The following KRT4 variants were observed in gnomAD, a reference collection of about 807,000 sequenced individuals.
KRT4 encodes keratin 4.
In KRT4, 47 loss-of-function variants were observed where a neutral mutation model predicts 50.6. That is an observed-to-expected ratio of 0.93 (90% CI 0.73 to 1.18). KRT4 has a LOEUF of 1.18. KRT4 is among the 50% of genes most tolerant of loss of function. The pLI is 0.00. For synonymous variants in KRT4, 254 were observed against 251.2 expected, an observed-to-expected ratio of 1.01 and a Z score of -0.10; for missense variants, 651 against 645.7, an observed-to-expected ratio of 1.01 and a Z score of -0.09.
chr12:52,812,629 A>T (rs1231169929), intron 1 of KRT4, among the ~76,000 whole-genome samples: 1 of 152,202 alleles, frequency 6.6e-6, no homozygotes, highest in African/African-American at 2.4e-5. Flanking sequence ...GAAAGCAGGT[A>T]AGGCAGACCG....
chr12:52,808,255 C>T (rs915072210), intron 6 of KRT4, 39 bp downstream of exon 6: 1 of 1,612,856 alleles, frequency 6.2e-7, no homozygotes. Context: ...GCCTGAGGCC[C>T]CTGGCCTTGT....
chr12:52,807,139 A>G lies in KRT4; in HGVS notation c.1493T>C (p.Phe498Ser), dbSNP rs377399080. ...GGAACTGCCAGAGACACTGCCACCA[A>G]ACCCAAAGCCACTTCCAGAGCCGGA... ...FGSGSGSGFG[F>S]GGSVSGSSSS... The change falls in exon 9 of 9, where the codon TTT becomes TCT. Residue 498 changes from phenylalanine (F) to serine (S), a missense_variant. By Grantham distance (155) the Phe-to-Ser change is radical. Coordinates refer to ENST00000551956, the MANE Select transcript of KRT4 (RefSeq NM_002272.4). The G allele has an allele frequency of 1.9e-4, 310 of 1,614,162 alleles. No homozygotes were observed. In the Middle Eastern group the frequency reaches 2.8e-3, roughly 15 times the overall value.
intron 3 of KRT4, 119 bp downstream of exon 3, chr12:52,810,637 T>C (rs1461857994): frequency 4.8e-6 from 4 of 833,620 alleles, no homozygotes; most frequent in Non-Finnish European, 8.4e-6. Context: ...TAGATCTAGA[T>C]AGTTCCAAGT....
Position 52,808,475 on chromosome 12 carries a change from A to G in KRT4, c.1000-56T>C, listed in dbSNP as rs1383316866. On this transcript the variant is annotated intron_variant, in intron 5 of 8. Coordinates refer to ENST00000551956, the MANE Select transcript of KRT4 (RefSeq NM_002272.4). ...TGTTAGGGGCATTTGGGTAGGGTCC[A>G]TTCTCAAGTGAACTCAGTGAGAATT... is the stretch of plus-strand genomic sequence containing the variant. The G allele has an allele frequency of 2.5e-6, 4 of 1,610,294 alleles. No individual in the cohort carries two copies. The African/African-American group carries it at 4.0e-5, about 16-fold the overall frequency.
rs901707209 is a variant in KRT4, at chr12:52,809,394, G to A, written c.823C>T (p.Leu275Phe). 2 of 1,612,564 alleles carry A rather than the reference G, an allele frequency of 1.2e-6. No individual in the cohort carries two copies. The highest frequency in any genetic ancestry group is 1.3e-5 in the African/African-American group (1 of 74,860). Residue 275 changes from leucine (L) to phenylalanine (F), a missense_variant, in exon 4 of 9, where the codon CTC becomes TTC. By Grantham distance (22) the Leu-to-Phe change is conservative. Transcript: ENST00000551956. ...LNDEINFLKVLYDAELSQMQT... is the reference protein window; with the variant it reads ...LNDEINFLKVFYDAELSQMQT... Reference sequence around the variant, plus strand: ...GATGGAGCCCTCACCGCATCATAGAGGACCTTCAGGAAGTTGATCTCGTCA... The same window carrying A: ...GATGGAGCCCTCACCGCATCATAGAAGACCTTCAGGAAGTTGATCTCGTCA...
At position 52,810,807 on chromosome 12, in the gene KRT4, C is replaced by T; in HGVS notation, c.687G>A (p.Glu229=). ...SVEDFKTKYE[E]EINKRTAAEN... ...CGGCTGCTGTGCGTTTGTTGATCTCCTCTTCATACCTGGGGGTGGGCACGG... is the reference window on the plus strand; with the variant it reads ...CGGCTGCTGTGCGTTTGTTGATCTCTTCTTCATACCTGGGGGTGGGCACGG... The change falls in exon 3 of 9, where the codon GAG becomes GAA. Residue 229 remains glutamate, a synonymous_variant. Coordinates refer to ENST00000551956, the MANE Select transcript of KRT4 (RefSeq NM_002272.4). The T allele has an allele frequency of 6.2e-7, 1 of 1,614,018 alleles. No individual in the cohort carries two copies. The highest frequency in any genetic ancestry group is 8.5e-7 in the Non-Finnish European group (1 of 1,179,890).
chr12:52,809,011 G>A (rs1184009042), intron 4 of KRT4, 161 bp from the exon 5 acceptor site: 1 of 787,944 alleles, frequency 1.3e-6, no homozygotes, highest in Non-Finnish European at 2.2e-6. Context: ...CAGGATGGAA[G>A]AGCAATGCTT....
In KRT4 at chr12:52,809,365, G is replaced by T. The variant is rs1939866509; in HGVS notation, c.834+18C>A. 22 of 1,566,876 alleles carry T rather than the reference G, an allele frequency of 1.4e-5. No individual in the cohort carries two copies. The highest frequency in any genetic ancestry group is 1.9e-5 in the Non-Finnish European group (22 of 1,136,914). On this transcript the variant is annotated intron_variant, in intron 4 of 8. Coordinates refer to ENST00000551956, the MANE Select transcript of KRT4 (RefSeq NM_002272.4). ...GGGATTCCCTTTCCCTGGATGGAGG[G>T]GAGGATGGAGCCCTCACCGCATCAT... is the stretch of plus-strand genomic sequence containing the variant.
In KRT4 at chr12:52,810,754, A is replaced by G. The variant is rs769721980; in HGVS notation, c.738+2T>C. 1 of 1,613,698 alleles carries G rather than the reference A, an allele frequency of 6.2e-7. No individual in the cohort carries two copies. The highest frequency in any genetic ancestry group is 2.2e-5 in the East Asian group (1 of 44,882). On this transcript the variant is annotated splice_donor_variant, in intron 3 of 8. Coordinates refer to ENST00000551956, the MANE Select transcript of KRT4 (RefSeq NM_002272.4). LOFTEE classifies it high-confidence loss of function. ...CACTCCCTACCATCCTTCGTCTCTT[A>G]CCTTCTTTAGGACCACAAAGTCATT...
At chr12:52,807,474 C>G in intron 7 of KRT4, 81 bp from the exon 8 acceptor site, 1 of 1,560,008 alleles carries the variant, frequency 6.4e-7, no homozygotes. Context: ...CCTCTCTTAT[C>G]CTTGAGCAGC....
chr12:52,812,058 C>G, intron 1 of KRT4, 81 bp from the exon 2 acceptor site: 1 of 1,116,498 alleles, frequency 9.0e-7, no homozygotes, highest in Middle Eastern at 2.7e-4. Context: ...CCAACCCAGT[C>G]AATCCCAGGG....
At position 52,811,488 on chromosome 12, in the gene KRT4, A is replaced by T. The variant is rs933651713; in HGVS notation, c.677+275T>A. ...CTACAGTCTGTATTCTTCTAATCAT[A>T]CTATACTGCTTTTCATCTATTTGGG... On this transcript the variant is annotated intron_variant, in intron 2 of 8. Coordinates refer to ENST00000551956, the MANE Select transcript of KRT4 (RefSeq NM_002272.4). The T allele has an allele frequency of 5.0e-5, 23 of 457,050 alleles. 1 individual carries two copies. The highest frequency in any genetic ancestry group is 4.9e-4 in the South Asian group (23 of 47,362). The allele number at this position is 457,050 out of a possible 1,614,324, so 28.3% of individuals were successfully genotyped here.
chr12:52,808,240 T>C, intron 6 of KRT4, 54 bp downstream of exon 6: 1 of 1,607,684 alleles, frequency 6.2e-7, no homozygotes, highest in South Asian at 1.1e-5. Context: ...ACTCTGGAGA[T>C]GTCTGCCTGA....
intron 2 of KRT4, chr12:52,811,329 A>C (rs1939906423): frequency 3.9e-6 from 1 of 258,288 alleles, no homozygotes; most frequent in African/African-American, 2.3e-5. Flanking sequence ...TTTAATTCTC[A>C]CAACCCATAA....
chr12:52,813,645 G>A lies in KRT4; in HGVS notation c.414C>T (p.Arg138=), dbSNP rs377041915. 112 of 1,613,976 alleles carry A rather than the reference G, an allele frequency of 6.9e-5. No homozygotes were observed. Among genetic ancestry groups the A allele is most frequent in the East Asian group, 1.3e-4 (6 of 44,844 alleles). ...PEIQKVRTEE[R]EQIKLLNNKF... is the part of the protein sequence containing the mutation. ...TGTTGTTGAGGAGCTTGATCTGTTC[G>A]CGCTCTTCCGTCCGGACTTTCTGGA... Residue 138 remains arginine, a synonymous_variant, in exon 1 of 9, where the codon CGC becomes CGT. Coordinates refer to ENST00000551956, the MANE Select transcript of KRT4 (RefSeq NM_002272.4).
intron 8 of KRT4, 48 bp downstream of exon 8, chr12:52,807,311 C>T (rs1291354400): frequency 6.2e-7 from 1 of 1,614,162 alleles, no homozygotes; most frequent in Admixed American, 1.7e-5. Context: ...AGGGGTCTGG[C>T]AAGACCCGGG....
At chr12:52,810,659 G>T in intron 3 of KRT4, 97 bp downstream of exon 3, 1 of 957,508 alleles carries the variant, frequency 1.0e-6, no homozygotes. Flanking sequence ...AAGCAGGGAT[G>T]AGGCAGAGAT....
intron 7 of KRT4, 65 bp from the exon 8 acceptor site, chr12:52,807,458 C>G: frequency 6.3e-7 from 1 of 1,581,186 alleles, no homozygotes; most frequent in Non-Finnish European, 8.7e-7. Flanking sequence ...AAGCATGCCT[C>G]ACTCACCTCT....
At chr12:52,810,936 G>T (rs1939900392) in intron 2 of KRT4, 120 bp from the exon 3 acceptor site, 3 of 778,174 alleles carry the variant, frequency 3.9e-6, no homozygotes, top group Admixed American at 2.0e-5. Flanking sequence ...GTAATTAGTT[G>T]CATTTCCCAT....
Sources: allele counts gnomAD v4.1 joint callset (sites outside exome capture counted in the v4.1 genomes callset), GRCh38; gene constraint gnomAD v4.1.1; transcripts MANE v1.5; gene names NCBI Gene and HGNC (gene_info 2026-07-23, HGNC 2026-07-21).